RRAS2: variants seen among roughly 807,000 people sequenced by gnomAD.
The protein encoded by RRAS2 is RAS related 2.
A neutral mutation model predicts 27.6 loss-of-function variants in RRAS2; 7 were observed. The ratio of observed to expected loss-of-function variants is 0.25; its 90% confidence interval spans 0.14 to 0.48. The LOEUF (loss-of-function observed/expected upper bound fraction) is 0.48. Among genes scored for constraint, RRAS2 ranks in the 20% least tolerant of loss-of-function variants. The pLI is 0.99. For synonymous variants in RRAS2, 86 were observed against 90.9 expected (o/e 0.95, Z 0.31); for missense variants, 178 against 256.2 (o/e 0.69, Z 2.08).
intron 1 of RRAS2, among the ~76,000 whole-genome samples, chr11:14,335,623 T>C (rs1001518480): frequency 2.0e-5 from 3 of 152,180 alleles, no homozygotes; most frequent in Non-Finnish European, 2.9e-5. Context: ...TCTGAAAAGA[T>C]AGAGTAGACA....
At chr11:14,292,040 GTGACATCACA>G (rs1418962796) in intron 4 of RRAS2, among the ~76,000 whole-genome samples, 1 of 152,166 alleles carries the variant, frequency 6.6e-6, no homozygotes, top group African/African-American at 2.4e-5. Flanking sequence ...AGCTTTCACT[GTGACATCACA>G]TGACATCAGG....
At chr11:14,283,145 A>G (rs1426159251) in intron 4 of RRAS2, among the ~76,000 whole-genome samples, 5 of 152,170 alleles carry the variant, frequency 3.3e-5, no homozygotes, top group African/African-American at 1.2e-4. Flanking sequence ...GGATTTGCCA[A>G]ATGTTTTTTC....
At position 14,358,112 on chromosome 11, in the gene RRAS2, T is replaced by A. The variant is rs1849120974; in HGVS notation, c.108+651A>T. 1.6e-6 allele frequency: 1 copy of A among 606,994 alleles called. No homozygotes were observed. Among genetic ancestry groups the A allele is most frequent in the Non-Finnish European group, 2.1e-6 (1 of 484,336 alleles). 37.6% of individuals were successfully genotyped at this position (606,994 alleles called of 1,614,324 possible). A position where few individuals can be genotyped will look rare whatever the true frequency, so the allele number is the denominator to read the frequency against. ...GACGGCATCAGGAATTCCTAGGAAA[T>A]GGTCTCACCCCATCAGAGAACATTT... On this transcript the variant is annotated intron_variant, in intron 1 of 5. Transcript: ENST00000256196. This position sits in a 1 kb window ranked among gnomAD's most constrained non-coding sequence, Gnocchi z 5.1.
At chr11:14,311,324 G>A (rs1847959886) in intron 1 of RRAS2, among the ~76,000 whole-genome samples, 1 of 152,144 alleles carries the variant, frequency 6.6e-6, no homozygotes, top group Non-Finnish European at 1.5e-5. Context: ...TCCAGCTTGG[G>A]CAACAGAGCG....
At chr11:14,287,421 G>T (rs1849690753) in intron 4 of RRAS2, among the ~76,000 whole-genome samples, 2 of 152,070 alleles carry the variant, frequency 1.3e-5, no homozygotes, top group Admixed American at 1.3e-4. Flanking sequence ...CTTTGTTGGG[G>T]TAAATATGAT....
At position 14,359,063 on chromosome 11, in the gene RRAS2, G is replaced by A; in HGVS notation, c.-193C>T. The A allele has an allele frequency of 9.1e-7, 1 of 1,102,038 alleles. No individual in the cohort carries two copies. Among genetic ancestry groups the A allele is most frequent in the Non-Finnish European group, 1.1e-6 (1 of 905,326 alleles). 68.3% of individuals were successfully genotyped at this position (1,102,038 alleles called of 1,614,324 possible). A position where few individuals can be genotyped will look rare whatever the true frequency, so the allele number is the denominator to read the frequency against. ...GGGGACTGGCTGGGTACCGCCCGAG[G>A]CGCGGAGAAGCGGGGTGACGGCACG... On this transcript the variant is annotated 5_prime_UTR_variant, in exon 1 of 6. Coordinates refer to ENST00000256196, the MANE Select transcript of RRAS2 (RefSeq NM_012250.6).
chr11:14,294,048 A>C (rs1373427547), intron 4 of RRAS2, among the ~76,000 whole-genome samples: 3 of 152,244 alleles, frequency 2.0e-5, no homozygotes, highest in Non-Finnish European at 4.4e-5. Context: ...AAATCCAAAT[A>C]CTGCAATTTA....
At chr11:14,322,554 C>T (rs1848249971) in intron 1 of RRAS2, among the ~76,000 whole-genome samples, 1 of 152,122 alleles carries the variant, frequency 6.6e-6, no homozygotes, top group Non-Finnish European at 1.5e-5. Flanking sequence ...TTCTTTCTTC[C>T]TATATTTCCC....
chr11:14,293,151 AT>A, intron 4 of RRAS2, among the ~76,000 whole-genome samples: 1 of 132,068 alleles, frequency 7.6e-6, no homozygotes, highest in Admixed American at 7.7e-5. Flanking sequence ...ATATATATAT[AT>A]ATATATATAT....
intron 1 of RRAS2, among the ~76,000 whole-genome samples, chr11:14,341,089 T>C (rs537616079): frequency 3.3e-4 from 50 of 151,868 alleles, no homozygotes; most frequent in African/African-American, 1.1e-3. Flanking sequence ...ACCAAAAGAG[T>C]GGCAGCACAT....
At chr11:14,323,911 A>G (rs1356601211) in intron 1 of RRAS2, among the ~76,000 whole-genome samples, 1 of 151,982 alleles carries the variant, frequency 6.6e-6, no homozygotes, top group African/African-American at 2.4e-5. Flanking sequence ...ATAATTCACC[A>G]TATGAACAGA....
At chr11:14,311,279 G>A (rs1847958839) in intron 1 of RRAS2, among the ~76,000 whole-genome samples, 1 of 152,190 alleles carries the variant, frequency 6.6e-6, no homozygotes, top group South Asian at 2.1e-4. Flanking sequence ...AGCAGTTTCA[G>A]GCTACAGTGA....
intron 1 of RRAS2, among the ~76,000 whole-genome samples, chr11:14,340,329 G>A (rs1848677301): frequency 6.6e-6 from 1 of 151,744 alleles, no homozygotes; most frequent in Admixed American, 6.6e-5. Flanking sequence ...CCAAACTCCT[G>A]ACCTCAAGTG....
At chr11:14,359,820 C>T (rs964747314), upstream of RRAS2, among the ~76,000 whole-genome samples, 3 of 152,126 alleles carry the variant, frequency 2.0e-5, no homozygotes, top group Admixed American at 1.3e-4. Context: ...GCAATCCTCC[C>T]GCCTCGGCCT....
At chr11:14,328,088 C>G (rs1848402215) in intron 1 of RRAS2, among the ~76,000 whole-genome samples, 1 of 152,074 alleles carries the variant, frequency 6.6e-6, no homozygotes, top group Non-Finnish European at 1.5e-5. Flanking sequence ...AGAAAAATGG[C>G]CAGGCGCGGT....
intron 4 of RRAS2, among the ~76,000 whole-genome samples, chr11:14,292,486 T>C (rs1028462751): frequency 1.2e-4 from 19 of 152,070 alleles, no homozygotes; most frequent in African/African-American, 4.3e-4. Context: ...ATAGAGTTTC[T>C]AGTACTAGAA....
At position 14,356,874 on chromosome 11, in the gene RRAS2, G is replaced by A. The variant is rs564885889; in HGVS notation, c.108+1889C>T. On this transcript the variant is annotated intron_variant, in intron 1 of 5. Coordinates refer to ENST00000256196, the MANE Select transcript of RRAS2 (RefSeq NM_012250.6). ...ACAATCTCGGCTCACTACAATCTCCGCCTCCCGGGTTCAAGCGATTCTACT... is the reference window on the plus strand; with the variant it reads ...ACAATCTCGGCTCACTACAATCTCCACCTCCCGGGTTCAAGCGATTCTACT... 125 of 387,610 alleles carry A rather than the reference G, an allele frequency of 3.2e-4. 1 individual carries two copies. In the East Asian group the frequency reaches 9.3e-3, roughly 29 times the overall value. The allele number at this position is 387,610 out of a possible 1,614,324, so 24.0% of individuals were successfully genotyped here.
intron 1 of RRAS2, among the ~76,000 whole-genome samples, chr11:14,329,027 A>C (rs113674047): frequency 1.4e-5 from 2 of 146,882 alleles, no homozygotes; most frequent in African/African-American, 5.0e-5. Flanking sequence ...ATATATATAT[A>C]TACACACACA....
chr11:14,343,757 C>G (rs1050182162), intron 1 of RRAS2, among the ~76,000 whole-genome samples: 1 of 151,922 alleles, frequency 6.6e-6, no homozygotes, highest in African/African-American at 2.4e-5. Context: ...TCGCCTCTAC[C>G]CGGCAGAAGG....
Sources: gnomAD v4.1 joint callset for allele counts (sites outside exome capture counted in the v4.1 genomes callset) on GRCh38, gnomAD v4.1.1 for gene constraint, Gnocchi (gnomAD v3.1) non-coding constraint, MANE v1.5 for transcripts, NCBI Gene and HGNC (gene_info 2026-07-23, HGNC 2026-07-21) for gene names.